TTC6: variants seen among roughly 807,000 people sequenced by gnomAD.
The protein encoded by TTC6 is tetratricopeptide repeat protein 6.
A neutral mutation model predicts 210.4 loss-of-function variants in TTC6; 172 were observed. That is an observed-to-expected ratio of 0.82 (90% CI 0.72 to 0.93). TTC6 has a LOEUF of 0.93. Ranked by LOEUF, TTC6 falls within the 40% of genes least tolerant of loss-of-function variation. The pLI is 0.00. For synonymous variants in TTC6, 804 were observed against 819.6 expected (o/e 0.98, Z 0.32); for missense variants, 2,414 against 2,318.1 (o/e 1.04, Z -0.85).
chr14:37,764,000 C>T (rs1363405701), intron 14 of TTC6, among the ~76,000 whole-genome samples: 1 of 151,992 alleles, frequency 6.6e-6, no homozygotes, highest in South Asian at 2.1e-4. Flanking sequence ...TATTACCTTT[C>T]ATTTGTCTCA....
intron 17 of TTC6, among the ~76,000 whole-genome samples, chr14:37,793,404 C>T (rs934661194): frequency 1.3e-5 from 2 of 152,168 alleles, no homozygotes; most frequent in Non-Finnish European, 2.9e-5. Context: ...TGTATTAAAA[C>T]AAAGGTTTAT....
At chr14:37,721,580 C>T (rs571470591) in intron 6 of TTC6, among the ~76,000 whole-genome samples, 18 of 151,924 alleles carry the variant, frequency 1.2e-4, no homozygotes, top group Admixed American at 9.8e-4. Flanking sequence ...ACCCAACTCT[C>T]AATAAACATG....
At chr14:37,784,094 G>A (rs534554891) in intron 14 of TTC6, among the ~76,000 whole-genome samples, 3 of 152,308 alleles carry the variant, frequency 2.0e-5, no homozygotes, top group African/African-American at 2.4e-5. Context: ...GTGCTGAGAA[G>A]AATGTATATT....
At chr14:37,710,163 C>T (rs796844314) in intron 5 of TTC6, among the ~76,000 whole-genome samples, 1 of 152,188 alleles carries the variant, frequency 6.6e-6, no homozygotes, top group African/African-American at 2.4e-5. Context: ...TGTGAAGCCT[C>T]TCTCAGGCTT....
rs542531149 is a variant in TTC6 at position 37,680,613 on chromosome 14, G to A, written c.1050+352G>A. The stretch of plus-strand genomic sequence containing the variant: ...TTGTCTGTATTCAGCTAGAAGAATT[G>A]TTAAAAGCATTGCAAGGGGAGAATT... On this transcript the variant is annotated intron_variant, in intron 2 of 30. Transcript: ENST00000553443. Among the ~76,000 whole-genome samples the A allele has an allele frequency of 1.7e-4, 26 of 152,278 alleles. 1 individual carries two copies. Among genetic ancestry groups the A allele is most frequent in the African/African-American group, 6.0e-4 (25 of 41,572 alleles).
In TTC6 at chr14:37,638,919, C is replaced by G. The variant is rs181260941; in HGVS notation, c.939+15916C>G. Among the ~76,000 whole-genome samples the G allele has an allele frequency of 3.3e-3, 504 of 152,246 alleles. 9 individuals carry two copies. Among genetic ancestry groups the G allele is most frequent in the African/African-American group, 0.011 (451 of 41,540 alleles). On this transcript the variant is annotated intron_variant, in intron 1 of 30. Transcript: ENST00000553443. ...AAATAATATATTCTCTTTAAACCCC[C>G]AACTCCCCAGACTAACCAATACTTA...
At chr14:37,673,122 G>T (rs2138494142) in intron 1 of TTC6, among the ~76,000 whole-genome samples, 1 of 152,010 alleles carries the variant, frequency 6.6e-6, no homozygotes, top group South Asian at 2.1e-4. Flanking sequence ...AGAGCCAACA[G>T]GTCTATGGAA....
chr14:37,739,393 A>G (rs1173718801), intron 10 of TTC6, among the ~76,000 whole-genome samples: 2 of 151,948 alleles, frequency 1.3e-5, no homozygotes, highest in African/African-American at 4.8e-5. Flanking sequence ...CCTGGCCAAC[A>G]TGGTGAAACC....
intron 14 of TTC6, among the ~76,000 whole-genome samples, chr14:37,771,821 A>T (rs9671320): frequency 6.6e-6 from 1 of 152,092 alleles, no homozygotes; most frequent in Admixed American, 6.5e-5. Context: ...GTCATTCTCC[A>T]TCCAGCTTTG....
intron 1 of TTC6, among the ~76,000 whole-genome samples, chr14:37,624,867 C>T (rs558077414): frequency 5.3e-5 from 8 of 152,118 alleles, no homozygotes; most frequent in South Asian, 4.2e-4. Context: ...GTGATCCGCC[C>T]GCCTCGGCCT....
At chr14:37,647,608 G>T (rs73263327) in intron 1 of TTC6, among the ~76,000 whole-genome samples, 8,357 of 152,174 alleles carry the variant, frequency 0.055, 779 homozygotes, top group African/African-American at 0.19. Flanking sequence ...TGTTAAGTTT[G>T]AGGTGCCTAA....
At chr14:37,831,152 C>T (rs535981026) in intron 29 of TTC6, among the ~76,000 whole-genome samples, 98 of 152,110 alleles carry the variant, frequency 6.4e-4, no homozygotes, top group African/African-American at 2.1e-3. Context: ...TTTTTTTAAG[C>T]CTCCAAATAT....
chr14:37,821,392 C>G lies in TTC6; in HGVS notation c.4764-2355C>G, dbSNP rs540363255. On this transcript the variant is annotated intron_variant, in intron 26 of 30. Coordinates refer to ENST00000553443, the Ensembl canonical transcript of TTC6. The stretch of plus-strand genomic sequence containing the variant: ...CCTGACTTTTACTTCTTAAATAGTG[C>G]CAATTATCAGGAAAGAGAGCACAAT... 5.0e-4 allele frequency among the ~76,000 whole-genome samples: 76 copies of G among 152,072 alleles called. 1 individual carries two copies. Among genetic ancestry groups the G allele is most frequent in the African/African-American group, 1.8e-3 (73 of 41,476 alleles).
upstream of TTC6, among the ~76,000 whole-genome samples, chr14:37,619,134 A>G (rs2095647268): frequency 6.6e-6 from 1 of 152,196 alleles, no homozygotes; most frequent in Non-Finnish European, 1.5e-5. Flanking sequence ...AATAATTTCT[A>G]ATGTTCATAT....
At chr14:37,729,355 C>T (rs748147210) in intron 7 of TTC6, among the ~76,000 whole-genome samples, 10 of 152,144 alleles carry the variant, frequency 6.6e-5, no homozygotes, top group South Asian at 6.2e-4. Flanking sequence ...ATATGGCATC[C>T]GTGAAAATAT....
chr14:37,775,735 T>C (rs1201708833), intron 14 of TTC6, among the ~76,000 whole-genome samples: 1 of 152,154 alleles, frequency 6.6e-6, no homozygotes, highest in Non-Finnish European at 1.5e-5. Flanking sequence ...TCTCCCACTA[T>C]TATCTTGTGG....
Position 37,682,754 on chromosome 14 carries a change from A to C in TTC6, c.1051-4A>C. On this transcript the variant is annotated splice_region_variant and splice_polypyrimidine_tract_variant and intron_variant, in intron 2 of 30. Transcript: ENST00000553443. ...CATTCTTGCACATTTACTTTTTCCA[A>C]CAGAGCGTGCATAAGGAACTTTCTG... is the stretch of plus-strand genomic sequence containing the variant. 1 of 1,535,022 alleles carries C rather than the reference A, an allele frequency of 6.5e-7. No individual in the cohort carries two copies. Among genetic ancestry groups the C allele is most frequent in the Non-Finnish European group, 8.7e-7 (1 of 1,146,328 alleles).
At chr14:37,703,273 TC>T (rs2095829014) in intron 5 of TTC6, among the ~76,000 whole-genome samples, 1 of 152,130 alleles carries the variant, frequency 6.6e-6, no homozygotes, top group Non-Finnish European at 1.5e-5. Flanking sequence ...ATATTTTTCT[TC>T]AAGTAGACCT....
chr14:37,621,186 C>G (rs1212818089), upstream of TTC6, among the ~76,000 whole-genome samples: 1 of 152,180 alleles, frequency 6.6e-6, no homozygotes, highest in Non-Finnish European at 1.5e-5. Flanking sequence ...AAACAGCTGT[C>G]TAGCCACAAG....
Sources: allele counts gnomAD v4.1 joint callset (sites outside exome capture counted in the v4.1 genomes callset), GRCh38; gene constraint gnomAD v4.1.1; transcripts MANE v1.5; gene names NCBI Gene and HGNC (gene_info 2026-07-23, HGNC 2026-07-21).